NUTM2F: variants seen among roughly 807,000 people sequenced by gnomAD.
NUTM2F encodes NUT family member 2F.
NUTM2F carries 22 observed loss-of-function variants against 43.3 expected under a neutral mutation model. That is an observed-to-expected ratio of 0.51 (90% CI 0.36 to 0.73). NUTM2F has a LOEUF of 0.73. Among genes scored for constraint, NUTM2F ranks in the 30% least tolerant of loss-of-function variants. NUTM2F has a pLI of 0.00. For synonymous variants in NUTM2F, 202 were observed against 389.0 expected (o/e 0.52, Z 5.66); for missense variants, 488 against 927.4 (o/e 0.53, Z 6.15).
chr9:94,325,846 G>T lies in NUTM2F; in HGVS notation c.105C>A (p.Pro35=), dbSNP rs1245186281. The T allele has an allele frequency of 1.2e-6, 2 of 1,612,042 alleles. No individual in the cohort carries two copies. The highest frequency in any genetic ancestry group is 1.7e-6 in the Non-Finnish European group (2 of 1,179,866). ...FTALPFATPA[P]GPAHRPPLVT... ...CGAGGGGCGGCCTGTGTGCTGGGCC[G>T]GGAGCGGGTGTGGCAAAGGGCAGAG... is the stretch of plus-strand genomic sequence containing the variant. The change falls in exon 2 of 7, where the codon CCC becomes CCA. Residue 35 remains proline, a synonymous_variant. Coordinates refer to ENST00000253262, the MANE Select transcript of NUTM2F (RefSeq NM_017561.2).
At position 94,328,580 on chromosome 9, in the gene NUTM2F, G is replaced by A. The variant is rs117318850; in HGVS notation, c.16+28C>T. 8.0e-3 allele frequency: 12,907 copies of A among 1,613,752 alleles called. 81 individuals are homozygous for A. The highest frequency in any genetic ancestry group is 0.025 in the Middle Eastern group (151 of 6,056). On this transcript the variant is annotated intron_variant, in intron 1 of 6. Coordinates refer to ENST00000253262, the MANE Select transcript of NUTM2F (RefSeq NM_017561.2). ...CAAGGAGTTGAGGCAAGGCAGACTC[G>A]GATAATGCCCCATCCCTACAGGCTC...
At chr9:94,327,019 G>A (rs553821942) in intron 1 of NUTM2F, among the ~76,000 whole-genome samples, 3 of 150,254 alleles carry the variant, frequency 2.0e-5, no homozygotes, top group African/African-American at 7.3e-5. Context: ...TGTGTAGCCA[G>A]CAACAGCTGC....
In NUTM2F at chr9:94,325,848, G is replaced by A; in HGVS notation, c.103C>T (p.Pro35Ser). 6.2e-7 allele frequency: 1 copy of A among 1,612,058 alleles called. No individual in the cohort carries two copies. ...FTALPFATPA[P>S]GPAHRPPLVT... ...AGGGGCGGCCTGTGTGCTGGGCCGG[G>A]AGCGGGTGTGGCAAAGGGCAGAGCC... The change falls in exon 2 of 7, where the codon CCC (proline) becomes TCC (serine). Residue 35 changes from proline (P) to serine (S), a missense_variant. Physicochemically the swap from Pro to Ser is moderately conservative, Grantham distance 74. Transcript: ENST00000253262.
rs1048308398 is a variant in NUTM2F, at chr9:94,327,074, C to CA, written c.17-1141dup. On this transcript the variant is annotated intron_variant, in intron 1 of 6. Transcript: ENST00000253262. ...AGCAAATGGTGAGCAGCAGGGCTAT[C>CA]AGGGGAGGTGTCTAGGGATTTTCTT... 2.0e-5 allele frequency among the ~76,000 whole-genome samples: 3 copies of CA among 147,264 alleles called. No individual in the cohort carries two copies. In the Admixed American group the frequency reaches 2.0e-4, roughly 10 times the overall value.
At position 94,322,246 on chromosome 9, in the gene NUTM2F, T is replaced by G; in HGVS notation, c.797A>C (p.His266Pro). 1.2e-6 allele frequency: 2 copies of G among 1,612,118 alleles called. No individual in the cohort carries two copies. The highest frequency in any genetic ancestry group is 1.3e-5 in the African/African-American group (1 of 74,992). The change falls in exon 3 of 7, where the codon CAC becomes CCC. Residue 266 changes from histidine to proline, a missense_variant. Physicochemically the swap from His to Pro is moderately conservative, Grantham distance 77. Transcript: ENST00000253262. ...GATCATCCGGTCAAAGTTGCTCGTGTGCTGCCATTCCCGCATGGCCTGCCA... is the reference window on the plus strand; with the variant it reads ...GATCATCCGGTCAAAGTTGCTCGTGGGCTGCCATTCCCGCATGGCCTGCCA... ...GLWQAMREWQ[H>P]TSNFDRMIFY...
Position 94,321,236 on chromosome 9 carries a change from T to G in NUTM2F, c.843-4A>C, listed in dbSNP as rs201933017. On this transcript the variant is annotated splice_region_variant and splice_polypyrimidine_tract_variant and intron_variant, in intron 3 of 6. Coordinates refer to ENST00000253262, the MANE Select transcript of NUTM2F (RefSeq NM_017561.2). ...CTCAGCCTCAAATTCCAGGAACCTG[T>G]GGGTGAAGGAGGCCCAGGCTGTGCT... 0.018 allele frequency: 28,509 copies of G among 1,570,448 alleles called. 820 individuals are homozygous for G. Among genetic ancestry groups the G allele is most frequent in the African/African-American group, 0.11 (7,908 of 73,274 alleles).
At chr9:94,323,958 C>T (rs143213915) in intron 2 of NUTM2F, among the ~76,000 whole-genome samples, 3 of 152,130 alleles carry the variant, frequency 2.0e-5, no homozygotes, top group Admixed American at 2.0e-4. Context: ...AGGGAAGGCA[C>T]TGGGGTGTAC....
In NUTM2F at chr9:94,318,834, C is replaced by T. The variant is rs200754441; in HGVS notation, c.1902G>A (p.Thr634=). The T allele has an allele frequency of 2.6e-5, 40 of 1,565,054 alleles. No individual in the cohort carries two copies. Among genetic ancestry groups the T allele is most frequent in the African/African-American group, 4.4e-5 (3 of 68,484 alleles). ...HGLAKGSSEE[T]ELPGMVYVVG... The stretch of plus-strand genomic sequence containing the variant: ...CGACATAGACCATGCCAGGGAGTTC[C>T]GTCTCCTCACTTGACCCCTTAGCCA... Residue 634 remains threonine (T), a synonymous_variant, in exon 7 of 7, where the codon ACG becomes ACA. Coordinates refer to ENST00000253262, the MANE Select transcript of NUTM2F (RefSeq NM_017561.2).
rs188216453 is a variant in NUTM2F, at chr9:94,324,463, G to C, written c.713+775C>G. On this transcript the variant is annotated intron_variant, in intron 2 of 6. Transcript: ENST00000253262. ...GAATCACCAGGGCAGGAGATTGAGAGCATCCTGGCTAACATGGTGAAACCC... is the reference window on the plus strand; with the variant it reads ...GAATCACCAGGGCAGGAGATTGAGACCATCCTGGCTAACATGGTGAAACCC... Among the ~76,000 whole-genome samples the C allele has an allele frequency of 6.0e-3, 897 of 149,276 alleles. 20 individuals are homozygous for C. The highest frequency in any genetic ancestry group is 0.036 in the Admixed American group (545 of 14,976).
chr9:94,325,794 G>A lies in NUTM2F; in HGVS notation c.157C>T (p.Pro53Ser). 1 of 1,612,176 alleles carries A rather than the reference G, an allele frequency of 6.2e-7. No homozygotes were observed. Among genetic ancestry groups the A allele is most frequent in the Non-Finnish European group, 8.5e-7 (1 of 1,179,856 alleles). ...CTGGGGAAGGCAGAGAGCACCAGAG[G>A]GCCGGCTGGAGGAACCACTGCAGTC... ...LVTAVVPPAG[P>S]LVLSAFPSTP... The change falls in exon 2 of 7, where the codon CCT becomes TCT. Residue 53 changes from proline (P) to serine (S), a missense_variant. Pro to Ser is a moderately conservative substitution (Grantham distance 74, BLOSUM62 -1). Transcript: ENST00000253262.
intron 5 of NUTM2F, 84 bp from the exon 6 acceptor site, chr9:94,319,813 G>A (rs2257698): frequency 1.4e-4 from 222 of 1,590,376 alleles, no homozygotes; most frequent in African/African-American, 2.6e-4. Context: ...TGCAGAAAGC[G>A]GGGAGGGCCC....
intron 4 of NUTM2F, 39 bp downstream of exon 4, chr9:94,321,054 C>T (rs573735635): frequency 3.9e-6 from 6 of 1,533,716 alleles, no homozygotes; most frequent in Admixed American, 3.9e-5. Flanking sequence ...GCCCCTTTGG[C>T]CTTTGCCATG....
rs1012423609 is a variant in NUTM2F, at chr9:94,319,865, C to T, written c.1369-136G>A. On this transcript the variant is annotated intron_variant, in intron 5 of 6. Coordinates refer to ENST00000253262, the MANE Select transcript of NUTM2F (RefSeq NM_017561.2). ...GGGCTGTTTCATATCATGGCGACCACCAGCTACACGCACAGACCACAGACC... is the reference window on the plus strand; with the variant it reads ...GGGCTGTTTCATATCATGGCGACCATCAGCTACACGCACAGACCACAGACC... The T allele has an allele frequency of 2.3e-5, 22 of 975,378 alleles. No individual in the cohort carries two copies. In the African/African-American group the frequency reaches 3.6e-4, roughly 16 times the overall value. The allele number at this position is 975,378 out of a possible 1,614,324, so 60.4% of individuals were successfully genotyped here.
chr9:94,320,999 C>T lies in NUTM2F; in HGVS notation c.982+94G>A. 1.3e-6 allele frequency: 2 copies of T among 1,481,790 alleles called. No individual in the cohort carries two copies. The highest frequency in any genetic ancestry group is 1.8e-6 in the Non-Finnish European group (2 of 1,122,590). The allele number at this position is 1,481,790 out of a possible 1,614,324, so 91.8% of individuals were successfully genotyped here. ...TGTCCTGTTGGAGGGAGCAAATCCCCCTCTTGAAGGGAAGCATGGGGTGTG... is the reference window on the plus strand; with the variant it reads ...TGTCCTGTTGGAGGGAGCAAATCCCTCTCTTGAAGGGAAGCATGGGGTGTG... On this transcript the variant is annotated intron_variant, in intron 4 of 6. Transcript: ENST00000253262. The surrounding 1 kb of genome is among the most constrained non-coding windows in gnomAD (Gnocchi z 4.5).
At position 94,326,159 on chromosome 9, in the gene NUTM2F, A is replaced by G. The variant is rs549182512; in HGVS notation, c.17-225T>C. Among the ~76,000 whole-genome samples, 151 of 151,772 alleles carry G rather than the reference A, an allele frequency of 9.9e-4. No individual in the cohort carries two copies. The Middle Eastern group carries it at 0.01, about 10-fold the overall frequency. On this transcript the variant is annotated intron_variant, in intron 1 of 6. Coordinates refer to ENST00000253262, the MANE Select transcript of NUTM2F (RefSeq NM_017561.2). ...GACTCCCTGACCCTTGTCTGCCAAG[A>G]AGAAACAGCCAAGCCTTTGCTGTCT...
At chr9:94,321,304 G>A in intron 3 of NUTM2F, 72 bp from the exon 4 acceptor site, 1 of 1,537,100 alleles carries the variant, frequency 6.5e-7, no homozygotes, top group Non-Finnish European at 8.7e-7. Flanking sequence ...GGCAGCAGCT[G>A]AGGGCAGGGA....
chr9:94,321,332 G>T lies in NUTM2F; in HGVS notation c.843-100C>A, dbSNP rs550044555. The T allele has an allele frequency of 3.3e-5, 50 of 1,523,240 alleles. 2 individuals are homozygous for T. In the South Asian group the frequency reaches 5.2e-4, roughly 16 times the overall value. 94.4% of individuals were successfully genotyped at this position (1,523,240 alleles called of 1,614,324 possible). A position where few individuals can be genotyped will look rare whatever the true frequency, so the allele number is the denominator to read the frequency against. On this transcript the variant is annotated intron_variant, in intron 3 of 6. Transcript: ENST00000253262. Reference sequence around the variant, plus strand: ...GGCAGGGATGGGAGGGAGTGCCTCCGGCGGGCTGTCCAGGCCCTCACTGGG... The same window carrying T: ...GGCAGGGATGGGAGGGAGTGCCTCCTGCGGGCTGTCCAGGCCCTCACTGGG...
intron 1 of NUTM2F, among the ~76,000 whole-genome samples, chr9:94,328,063 G>A (rs933987063): frequency 2.6e-5 from 4 of 152,032 alleles, no homozygotes; most frequent in African/African-American, 9.7e-5. Flanking sequence ...GGCTGTGGCA[G>A]TTGCAGTGGC....
chr9:94,327,382 G>A (rs1449956967), intron 1 of NUTM2F, among the ~76,000 whole-genome samples: 2 of 149,780 alleles, frequency 1.3e-5, no homozygotes, highest in Non-Finnish European at 3.0e-5. Context: ...GATTACAGGC[G>A]TGAGCCACCG....
Sources: gnomAD v4.1 joint callset for allele counts (sites outside exome capture counted in the v4.1 genomes callset) on GRCh38, gnomAD v4.1.1 for gene constraint, Gnocchi (gnomAD v3.1) non-coding constraint, MANE v1.5 for transcripts, NCBI Gene and HGNC (gene_info 2026-07-23, HGNC 2026-07-21) for gene names.